UCP3: variants seen among roughly 807,000 people sequenced by gnomAD.
UCP3 encodes the protein putative mitochondrial transporter UCP3.
A neutral mutation model predicts 28.1 loss-of-function variants in UCP3; 24 were observed. The ratio of observed to expected loss-of-function variants is 0.85; its 90% CI spans 0.62 to 1.20. The LOEUF is 1.20. Among genes scored for constraint, UCP3 ranks in the 50% most tolerant of loss-of-function variants. UCP3 has a pLI of 0.00. For synonymous variants in UCP3, 184 were observed against 171.2 expected, an observed-to-expected ratio of 1.07 and a Z score of -0.59; for missense variants, 397 against 422.2, an observed-to-expected ratio of 0.94 and a Z score of 0.52.
Position 74,001,489 on chromosome 11 carries a change from C to G in UCP3, c.862G>C (p.Val288Leu), listed in dbSNP as rs201948640. ...PSFLRLGSWNVVMFVTYEQLK... is the reference protein window; with the variant it reads ...PSFLRLGSWNLVMFVTYEQLK... ...TGCTCATAGGTTACGAACATCACCA[C>G]GTTCCAGGATCCCAAACGCAAAAAG... The change falls in exon 7 of 7, where the codon GTG becomes CTG. Residue 288 changes from valine to leucine, a missense_variant. Val to Leu is a conservative substitution (Grantham distance 32). Transcript: ENST00000314032. 9 of 1,614,026 alleles carry G rather than the reference C, an allele frequency of 5.6e-6. No homozygotes were observed. Among genetic ancestry groups the G allele is most frequent in the Admixed American group, 5.0e-5 (3 of 59,996 alleles).
Position 74,006,522 on chromosome 11 carries a change from C to G in UCP3, c.127-143G>C, listed in dbSNP as rs1685326. On this transcript the variant is annotated intron_variant, in intron 2 of 6. Coordinates refer to ENST00000314032, the MANE Select transcript of UCP3 (RefSeq NM_003356.4). The stretch of plus-strand genomic sequence containing the variant: ...TCACAGTAGAAATCACTGGTGTCTG[C>G]GCAGCATTTTACCATTCACAAAGCA... 450,221 of 820,692 alleles carry G rather than the reference C, an allele frequency of 0.55. 129,130 individuals carry two copies. Among genetic ancestry groups the G allele is most frequent in the African/African-American group, 0.88 (51,385 of 58,132 alleles). 50.8% of individuals were successfully genotyped at this position (820,692 alleles called of 1,614,324 possible). A position where few individuals can be genotyped will look rare whatever the true frequency, so the allele number is the denominator to read the frequency against.
At position 74,006,169 on chromosome 11, in the gene UCP3, T is replaced by C. The variant is rs761843138; in HGVS notation, c.337A>G (p.Asn113Asp). Residue 113 changes from asparagine to aspartate, a missense_variant and splice_region_variant, in exon 3 of 7, where the codon AAC (asparagine) becomes GAC (aspartate). Coordinates refer to ENST00000314032, the MANE Select transcript of UCP3 (RefSeq NM_003356.4). ...KQVYTPKGAD[N>D]SSLTTRILAG... ...GGTGTTCAGGGACCTGGTCACTCAC[T>C]GTCCGCGCCTTTGGGGGTGTACACC... 1.2e-6 allele frequency: 2 copies of C among 1,614,096 alleles called. No homozygotes were observed. The highest frequency in any genetic ancestry group is 2.2e-5 in the East Asian group (1 of 44,874).
In UCP3 at chr11:74,000,790, A is replaced by G. The variant is rs1951616148; in HGVS notation, c.*622T>C. On this transcript the variant is annotated 3_prime_UTR_variant, in exon 7 of 7. Coordinates refer to ENST00000314032, the MANE Select transcript of UCP3 (RefSeq NM_003356.4). ...TGATTCTTCAGTGTCGTCAGGGAAT[A>G]TTTACGAGCCCCAGCCTCACATGGG... 6.6e-6 allele frequency: 1 copy of G among 152,332 alleles called. No homozygotes were observed. Among genetic ancestry groups the G allele is most frequent in the Admixed American group, 6.5e-5 (1 of 15,294 alleles). 9.4% of individuals were successfully genotyped at this position (152,332 alleles called of 1,614,324 possible). A position where few individuals can be genotyped will look rare whatever the true frequency, so the allele number is the denominator to read the frequency against.
chr11:74,006,788 T>TA (rs1951670412), intron 2 of UCP3, 129 bp downstream of exon 2: 1 of 1,471,168 alleles, frequency 6.8e-7, no homozygotes, highest in Non-Finnish European at 9.4e-7. Flanking sequence ...GGAAGGGTCC[T>TA]AAGCAGTGGA....
At position 74,006,519 on chromosome 11, in the gene UCP3, C is replaced by T. The variant is rs1377860476; in HGVS notation, c.127-140G>A. ...TGGTCACAGTAGAAATCACTGGTGT[C>T]TGCGCAGCATTTTACCATTCACAAA... On this transcript the variant is annotated intron_variant, in intron 2 of 6. Coordinates refer to ENST00000314032, the MANE Select transcript of UCP3 (RefSeq NM_003356.4). 3.4e-6 allele frequency: 3 copies of T among 871,462 alleles called. No individual in the cohort carries two copies. In the African/African-American group the frequency reaches 5.1e-5, roughly 15 times the overall value. 54.0% of individuals were successfully genotyped at this position (871,462 alleles called of 1,614,324 possible).
Position 74,000,443 on chromosome 11 carries a change from G to GT in UCP3, c.*968_*969insA, listed in dbSNP as rs1355271844. The GT allele has an allele frequency of 1.3e-5, 2 of 152,256 alleles. No homozygotes were observed. The highest frequency in any genetic ancestry group is 3.9e-4 in the East Asian group (2 of 5,170). The allele number at this position is 152,256 out of a possible 1,614,324, so 9.4% of individuals were successfully genotyped here. A position where few individuals can be genotyped will look rare whatever the true frequency, so the allele number is the denominator to read the frequency against. On this transcript the variant is annotated 3_prime_UTR_variant, in exon 7 of 7. Coordinates refer to ENST00000314032, the MANE Select transcript of UCP3 (RefSeq NM_003356.4). The stretch of plus-strand genomic sequence containing the variant: ...ACTCATGATTGAGCACGTGGTGGGG[G>GT]GGGTGGGGAAGAGGCTGCATGGGGG...
rs1412349480 is a variant in UCP3, at chr11:74,005,860, T to C, written c.411A>G (p.Thr137=). The C allele has an allele frequency of 6.2e-7, 1 of 1,614,212 alleles. No homozygotes were observed. Among genetic ancestry groups the C allele is most frequent in the Non-Finnish European group, 8.5e-7 (1 of 1,180,038 alleles). Residue 137 remains threonine (T), a synonymous_variant, in exon 4 of 7, where the codon ACA becomes ACG. Coordinates refer to ENST00000314032, the MANE Select transcript of UCP3 (RefSeq NM_003356.4). ...GAMAVTCAQP[T]DVVKVRFQAS... Reference sequence around the variant, plus strand: ...CCTGAAATCGGACCTTCACCACATCTGTGGGCTGGGCACAGGTCACCGCCA... The same window carrying C: ...CCTGAAATCGGACCTTCACCACATCCGTGGGCTGGGCACAGGTCACCGCCA...
At chr11:74,001,667 C>T (rs1233438316) in intron 6 of UCP3, 141 bp from the exon 7 acceptor site, 31 of 721,090 alleles carry the variant, frequency 4.3e-5, no homozygotes, top group Middle Eastern at 6.3e-4. Context: ...CTTTCAGTCT[C>T]TCTCTCTCTT....
rs747969322 is a variant in UCP3 at position 74,005,845 on chromosome 11, G to A, written c.426C>T (p.Val142=). ...TCAQPTDVVK[V]RFQASIHLGP... is the part of the protein sequence containing the mutation. ...CGAGGTGTATGCTGGCCTGAAATCG[G>A]ACCTTCACCACATCTGTGGGCTGGG... The change falls in exon 4 of 7, where the codon GTC becomes GTT. Residue 142 remains valine, a synonymous_variant. Transcript: ENST00000314032. The A allele has an allele frequency of 6.2e-7, 1 of 1,614,198 alleles. No individual in the cohort carries two copies. Among genetic ancestry groups the A allele is most frequent in the Admixed American group, 1.7e-5 (1 of 60,032 alleles).
chr11:74,004,451 G>C lies in UCP3; in HGVS notation c.643+33C>G, dbSNP rs765008878. ...AGTTCTGGGTTCCCTCCCTGCTGAGGGAGAGCTGCCTGCCTGGAGCCCAGG... is the reference window on the plus strand; with the variant it reads ...AGTTCTGGGTTCCCTCCCTGCTGAGCGAGAGCTGCCTGCCTGGAGCCCAGG... On this transcript the variant is annotated intron_variant, in intron 5 of 6. Transcript: ENST00000314032. The C allele has an allele frequency of 1.3e-5, 21 of 1,606,890 alleles. No homozygotes were observed. In the Admixed American group the frequency reaches 3.2e-4, roughly 24 times the overall value.
At chr11:74,002,891 G>A (rs1951631385) in intron 6 of UCP3, 1 of 985,462 alleles carries the variant, frequency 1.0e-6, no homozygotes. Flanking sequence ...ATCAGCAGTG[G>A]GAGGTGAAAG....
intron 3 of UCP3, 32 bp from the exon 4 acceptor site, chr11:74,005,965 C>G (rs778531573): frequency 6.2e-7 from 1 of 1,611,690 alleles, no homozygotes. Flanking sequence ...GGCCAGTGTC[C>G]CCTACTAAGC....
intron 1 of UCP3, among the ~76,000 whole-genome samples, chr11:74,007,612 G>A (rs1371574930): frequency 6.6e-6 from 1 of 151,986 alleles, no homozygotes; most frequent in Non-Finnish European, 1.5e-5. Context: ...TTTATTTTTT[G>A]TAGAGATGGG....
Position 74,007,287 on chromosome 11 carries a change from C to T in UCP3, c.-95-150G>A, listed in dbSNP as rs143098507. On this transcript the variant is annotated intron_variant, in intron 1 of 6. Transcript: ENST00000314032. Reference sequence around the variant, plus strand: ...GAATTTGGCCTATAAAAACAGGTCACGTTCCTATCCCTTGAATTTTGCAAT... The same window carrying T: ...GAATTTGGCCTATAAAAACAGGTCATGTTCCTATCCCTTGAATTTTGCAAT... 5.3e-3 allele frequency: 2,807 copies of T among 529,494 alleles called. 44 individuals are homozygous for T. Among genetic ancestry groups the T allele is most frequent in the Middle Eastern group, 0.033 (62 of 1,902 alleles). The allele number at this position is 529,494 out of a possible 1,614,324, so 32.8% of individuals were successfully genotyped here. A position where few individuals can be genotyped will look rare whatever the true frequency, so the allele number is the denominator to read the frequency against.
rs370294575 is a variant in UCP3 at position 74,002,977 on chromosome 11, G to A, written c.824+850C>T. ...GTCTGACGGTCAGGGTTTGAGCCAT[G>A]GCTCCACCATTTTAACCTGTGATCT... On this transcript the variant is annotated intron_variant, in intron 6 of 6. Transcript: ENST00000314032. 40 of 976,616 alleles carry A rather than the reference G, an allele frequency of 4.1e-5. 2 individuals carry two copies. The Admixed American group carries it at 1.1e-3, about 27-fold the overall frequency. The allele number at this position is 976,616 out of a possible 1,614,324, so 60.5% of individuals were successfully genotyped here.
rs182913075 is a variant in UCP3, at chr11:74,005,056, T to C, written c.542-471A>G. On this transcript the variant is annotated intron_variant, in intron 4 of 6. Coordinates refer to ENST00000314032, the MANE Select transcript of UCP3 (RefSeq NM_003356.4). ...CTCTGAAGGGTGCCCAACAAGTGAG[T>C]GAAGAGCCCCAACTTAAGAGGTGTC... 3.4e-3 allele frequency among the ~76,000 whole-genome samples: 519 copies of C among 152,226 alleles called. 4 individuals are homozygous for C. The Middle Eastern group carries it at 0.037, about 11-fold the overall frequency.
In UCP3 at chr11:74,006,322, G is replaced by A; in HGVS notation, c.184C>T (p.Leu62=). The change falls in exon 3 of 7, where the codon CTG becomes TTG. Residue 62 remains leucine (L), a synonymous_variant. Transcript: ENST00000314032. ...CGCACCATGGTCAGGATGGTGCCCA[G>A]CACGCCACGGTACTGCACGAGCCGG... ...TARLVQYRGV[L]GTILTMVRTE... 6.2e-7 allele frequency: 1 copy of A among 1,606,720 alleles called. No individual in the cohort carries two copies.
In UCP3 at chr11:74,001,720, G is replaced by T. The variant is rs1158432915; in HGVS notation, c.825-194C>A. The T allele has an allele frequency of 8.7e-6, 5 of 571,990 alleles. No homozygotes were observed. The East Asian group carries it at 1.5e-4, about 17-fold the overall frequency. 35.4% of individuals were successfully genotyped at this position (571,990 alleles called of 1,614,324 possible). On this transcript the variant is annotated intron_variant, in intron 6 of 6. Transcript: ENST00000314032. Reference sequence around the variant, plus strand: ...GGATTTAGGCAGAAGTCGGAGTAAGGAAAAGAAAAAAAAACTCACGTTTTG... The same window carrying T: ...GGATTTAGGCAGAAGTCGGAGTAAGTAAAAGAAAAAAAAACTCACGTTTTG...
chr11:74,004,342 G>T (rs1951643174), intron 5 of UCP3, 142 bp downstream of exon 5: 1 of 797,692 alleles, frequency 1.3e-6, no homozygotes, highest in Non-Finnish European at 2.0e-6. Context: ...TCACCACAAT[G>T]TACCTGGCAC....
Sources: allele counts gnomAD v4.1 joint callset (sites outside exome capture counted in the v4.1 genomes callset), GRCh38; gene constraint gnomAD v4.1.1; transcripts MANE v1.5; gene names NCBI Gene and HGNC (gene_info 2026-07-23, HGNC 2026-07-21).